SYNJ1: variants seen among roughly 807,000 people sequenced by gnomAD.
The protein encoded by SYNJ1 is polyphosphatidylinositol phosphatase SYNJ1.
Under a neutral mutation model 168.2 loss-of-function variants are expected in SYNJ1, and 78 were observed. The observed-to-expected ratio is 0.46, with a 90% confidence interval of 0.39 to 0.56. The LOEUF (loss-of-function observed/expected upper bound fraction) is 0.56. Ranked by LOEUF, SYNJ1 falls within the 20% of genes least tolerant of loss-of-function variation. The probability of loss-of-function intolerance (pLI) is 0.00; values close to 1 mark genes in which losing one functional copy is unlikely to be tolerated. For missense variants in SYNJ1, 1,303 were observed against 1,597.6 expected (o/e 0.82, Z 3.14); for synonymous variants, 539 against 548.6 (o/e 0.98, Z 0.24).
At chr21:32,695,771 T>C (rs1003690077) in intron 4 of SYNJ1, among the ~76,000 whole-genome samples, 5 of 151,690 alleles carry the variant, frequency 3.3e-5, no homozygotes, top group African/African-American at 1.2e-4. Context: ...CAAGCGATTC[T>C]TCTGCCTCAG....
intron 4 of SYNJ1, among the ~76,000 whole-genome samples, chr21:32,697,083 A>G (rs1441147865): frequency 6.6e-6 from 1 of 152,226 alleles, no homozygotes; most frequent in African/African-American, 2.4e-5. Context: ...CATTTTGTGC[A>G]GGCAGAGTTT....
At chr21:32,636,156 C>T (rs527775216) in intron 31 of SYNJ1, among the ~76,000 whole-genome samples, 101 of 152,200 alleles carry the variant, frequency 6.6e-4, no homozygotes, top group African/African-American at 2.4e-3. Flanking sequence ...TTAAATGGGT[C>T]TAGAATGCTG....
intron 15 of SYNJ1, among the ~76,000 whole-genome samples, chr21:32,667,035 C>T (rs2040962330): frequency 6.6e-6 from 1 of 150,838 alleles, no homozygotes; most frequent in Admixed American, 6.6e-5. Flanking sequence ...CCTATAATAC[C>T]TAATACAATG....
chr21:32,694,326 A>T lies in SYNJ1; in HGVS notation c.706-15T>A. ...AAGTACACAACCTACAGAAAAAAAAATAATATGTAAACTATTTCCACAGAA... is the reference window on the plus strand; with the variant it reads ...AAGTACACAACCTACAGAAAAAAAATTAATATGTAAACTATTTCCACAGAA... On this transcript the variant is annotated splice_polypyrimidine_tract_variant and intron_variant, in intron 5 of 32. Coordinates refer to ENST00000674351, the MANE Select transcript of SYNJ1 (RefSeq NM_203446.3). The T allele has an allele frequency of 6.5e-7, 1 of 1,536,254 alleles. No individual in the cohort carries two copies.
chr21:32,693,298 G>T (rs1238349196), intron 6 of SYNJ1, among the ~76,000 whole-genome samples: 1 of 152,160 alleles, frequency 6.6e-6, no homozygotes, highest in Admixed American at 6.5e-5. Flanking sequence ...TTTAGGGAAA[G>T]ATATATCTAT....
intron 31 of SYNJ1, among the ~76,000 whole-genome samples, chr21:32,636,292 A>G (rs970568409): frequency 2.6e-5 from 4 of 152,212 alleles, no homozygotes; most frequent in Admixed American, 6.5e-5. Flanking sequence ...AGTCAGATAG[A>G]TAAGTGAGGA....
intron 32 of SYNJ1, among the ~76,000 whole-genome samples, chr21:32,633,197 G>A (rs1363193827): frequency 6.6e-6 from 1 of 152,168 alleles, no homozygotes; most frequent in Non-Finnish European, 1.5e-5. Flanking sequence ...CAACCACAAT[G>A]ATGTGCCTAG....
At position 32,643,470 on chromosome 21, in the gene SYNJ1, A is replaced by C. The variant is rs1195087531; in HGVS notation, c.3431-13T>G. 1.9e-6 allele frequency: 3 copies of C among 1,613,276 alleles called. No homozygotes were observed. Among genetic ancestry groups the C allele is most frequent in the Non-Finnish European group, 2.5e-6 (3 of 1,179,448 alleles). On this transcript the variant is annotated splice_polypyrimidine_tract_variant and intron_variant, in intron 26 of 32. Transcript: ENST00000674351. ...GGGGCTCCAATACCTTTTTAGAGAAAGAACAGAAACTATATATTGTTCAGG... is the reference window on the plus strand; with the variant it reads ...GGGGCTCCAATACCTTTTTAGAGAACGAACAGAAACTATATATTGTTCAGG...
intron 11 of SYNJ1, among the ~76,000 whole-genome samples, chr21:32,679,173 G>C (rs1028373238): frequency 6.6e-6 from 1 of 152,044 alleles, no homozygotes; most frequent in Non-Finnish European, 1.5e-5. Context: ...GGATAAAATG[G>C]GTAAGGAGAA....
intron 2 of SYNJ1, among the ~76,000 whole-genome samples, chr21:32,708,930 C>T (rs963667136): frequency 1.3e-5 from 2 of 151,776 alleles, no homozygotes; most frequent in African/African-American, 4.8e-5. Context: ...CCATCCTAGG[C>T]AAGATAGCAA....
intron 7 of SYNJ1, 63 bp downstream of exon 7, chr21:32,688,243 A>AT: frequency 6.7e-7 from 1 of 1,481,960 alleles, no homozygotes; most frequent in Non-Finnish European, 9.2e-7. Context: ...GAATCAGTAA[A>AT]TACAAGCAGT....
At chr21:32,678,333 A>G (rs889280959) in intron 12 of SYNJ1, among the ~76,000 whole-genome samples, 1 of 152,352 alleles carries the variant, frequency 6.6e-6, no homozygotes, top group East Asian at 1.9e-4. Context: ...CTGTATTACA[A>G]GTACTAGCTG....
chr21:32,719,856 C>CA (rs1390588787), intron 2 of SYNJ1, among the ~76,000 whole-genome samples: 2 of 151,020 alleles, frequency 1.3e-5, no homozygotes, highest in Non-Finnish European at 3.0e-5. Flanking sequence ...TGAACAGCTA[C>CA]AAAAGCTGTT....
In SYNJ1 at chr21:32,631,211, G is replaced by C. The variant is rs759611619; in HGVS notation, c.*594C>G. On this transcript the variant is annotated 3_prime_UTR_variant, in exon 33 of 33. Transcript: ENST00000674351. ...ATGAACTTGGCTGATTACCCAGTAA[G>C]TCTGAACAAGCTGACTTTGACTTCC... 1 of 1,614,192 alleles carries C rather than the reference G, an allele frequency of 6.2e-7. No homozygotes were observed. Among genetic ancestry groups the C allele is most frequent in the Admixed American group, 1.7e-5 (1 of 60,036 alleles).
intron 18 of SYNJ1, among the ~76,000 whole-genome samples, chr21:32,662,644 G>A (rs1163583352): frequency 1.3e-5 from 2 of 152,178 alleles, no homozygotes; most frequent in African/African-American, 2.4e-5. Context: ...GTCATTAAGA[G>A]CAATAAGTTA....
intron 14 of SYNJ1, among the ~76,000 whole-genome samples, 179 bp downstream of exon 14, chr21:32,673,161 A>T (rs2041270451): frequency 6.6e-6 from 1 of 152,182 alleles, no homozygotes; most frequent in Admixed American, 6.5e-5. Flanking sequence ...ATGGTCTAGA[A>T]ATTTTAAAAA....
chr21:32,709,174 AT>A (rs1212246664), intron 2 of SYNJ1, among the ~76,000 whole-genome samples: 1 of 152,076 alleles, frequency 6.6e-6, no homozygotes, highest in Admixed American at 6.5e-5. Context: ...AGACAGTAAA[AT>A]TTTTACTGAC....
chr21:32,711,594 T>C (rs2042832367), intron 2 of SYNJ1, among the ~76,000 whole-genome samples: 1 of 152,146 alleles, frequency 6.6e-6, no homozygotes, highest in African/African-American at 2.4e-5. Context: ...CCTCCCAGAG[T>C]GCTGGGATTA....
At chr21:32,670,915 G>GA (rs1160282577) in intron 14 of SYNJ1, 1 of 666,718 alleles carries the variant, frequency 1.5e-6, no homozygotes, top group African/African-American at 2.0e-5. Context: ...TGGCACTCTG[G>GA]AAACTACAAG....
Sources: gnomAD v4.1 joint callset for allele counts (sites outside exome capture counted in the v4.1 genomes callset) on GRCh38, gnomAD v4.1.1 for gene constraint, MANE v1.5 for transcripts, NCBI Gene and HGNC (gene_info 2026-07-23, HGNC 2026-07-21) for gene names.